MAP3K4: variants seen among roughly 807,000 people sequenced by gnomAD.
The protein encoded by MAP3K4 is MAP three kinase 1.
MAP3K4 carries 67 observed loss-of-function variants against 185.6 expected under a neutral mutation model. The observed-to-expected ratio is 0.36, with a 90% CI of 0.30 to 0.44. The LOEUF (loss-of-function observed/expected upper bound fraction) is 0.44, where lower values mean the gene tolerates loss of function less well. Ranked by LOEUF, MAP3K4 falls within the 20% of genes least tolerant of loss-of-function variation. MAP3K4 has a pLI of 1.00. For missense variants in MAP3K4, 1,551 were observed against 1,995.1 expected, an observed-to-expected ratio of 0.78 and a Z score of 4.24; for synonymous variants, 702 against 710.4, an observed-to-expected ratio of 0.99 and a Z score of 0.19.
rs1314398136 is a variant in MAP3K4 at position 161,054,308 on chromosome 6, C to T, written c.1707+4329C>T. ...TAGCTGGGATTACAGGCATGCGCCA[C>T]TATGCCTGGCTAATTTTTGTATTTT... On this transcript the variant is annotated intron_variant, in intron 3 of 26. Coordinates refer to ENST00000392142, the MANE Select transcript of MAP3K4 (RefSeq NM_005922.4). This position sits in a 1 kb window ranked among gnomAD's most constrained non-coding sequence, Gnocchi z 4.2. 1.3e-5 allele frequency among the ~76,000 whole-genome samples: 2 copies of T among 152,256 alleles called. No homozygotes were observed. Among genetic ancestry groups the T allele is most frequent in the African/African-American group, 4.8e-5 (2 of 41,542 alleles).
chr6:161,053,822 G>A lies in MAP3K4; in HGVS notation c.1707+3843G>A, dbSNP rs1375111944. Among the ~76,000 whole-genome samples the A allele has an allele frequency of 1.3e-5, 2 of 152,128 alleles. No homozygotes were observed. Among genetic ancestry groups the A allele is most frequent in the African/African-American group, 4.8e-5 (2 of 41,410 alleles). On this transcript the variant is annotated intron_variant, in intron 3 of 26. Transcript: ENST00000392142. This position sits in a 1 kb window ranked among gnomAD's most constrained non-coding sequence, Gnocchi z 4.2. ...TTGGCCAGGCTAGTCTTGAACTCCTGACCCCAAATGATCCACCTGCCTCCG... is the reference window on the plus strand; with the variant it reads ...TTGGCCAGGCTAGTCTTGAACTCCTAACCCCAAATGATCCACCTGCCTCCG...
At position 161,080,266 on chromosome 6, in the gene MAP3K4, C is replaced by T. The variant is rs1785384628; in HGVS notation, c.2098-615C>T. The stretch of plus-strand genomic sequence containing the variant: ...AGAAAAACTGCTTGATAGTTGAACC[C>T]TGCTGACCACGGGATAAATCTAAAG... On this transcript the variant is annotated intron_variant, in intron 5 of 26. Transcript: ENST00000392142. This position sits in a 1 kb window ranked among gnomAD's most constrained non-coding sequence, Gnocchi z 4.8. Among the ~76,000 whole-genome samples, 1 of 152,196 alleles carries T rather than the reference C, an allele frequency of 6.6e-6. No individual in the cohort carries two copies. The highest frequency in any genetic ancestry group is 2.1e-4 in the South Asian group (1 of 4,826).
In MAP3K4 at chr6:161,007,310, A is replaced by C. The variant is rs1781634944; in HGVS notation, c.152+15227A>C. Among the ~76,000 whole-genome samples the C allele has an allele frequency of 6.6e-6, 1 of 152,164 alleles. No homozygotes were observed. The highest frequency in any genetic ancestry group is 1.5e-5 in the Non-Finnish European group (1 of 68,024). The stretch of plus-strand genomic sequence containing the variant: ...GATATTGCAGTGGGGAAAAACATTC[A>C]CTATTGAGGAATGTCTTGAAGAGGA... On this transcript the variant is annotated intron_variant, in intron 1 of 26. Transcript: ENST00000392142. The surrounding 1 kb of genome is among the most constrained non-coding windows in gnomAD (Gnocchi z 4.5).
chr6:161,109,318 G>A lies in MAP3K4; in HGVS notation c.4237-437G>A, dbSNP rs1003069581. 3.3e-5 allele frequency among the ~76,000 whole-genome samples: 5 copies of A among 152,158 alleles called. No individual in the cohort carries two copies. The highest frequency in any genetic ancestry group is 1.2e-4 in the African/African-American group (5 of 41,412). On this transcript the variant is annotated intron_variant, in intron 22 of 26. Transcript: ENST00000392142. This position sits in a 1 kb window ranked among gnomAD's most constrained non-coding sequence, Gnocchi z 5.7. ...ACGTCGAGGGAAAGAGGATAACTTG[G>A]AGCATCGTGGTGTAGAGCATGAGCT... is the stretch of plus-strand genomic sequence containing the variant.
At chr6:161,041,255 A>G (rs1783436368) in intron 2 of MAP3K4, among the ~76,000 whole-genome samples, 1 of 152,186 alleles carries the variant, frequency 6.6e-6, no homozygotes, top group Admixed American at 6.5e-5. Flanking sequence ...CTATCGGCAA[A>G]TCCATGAATG....
In MAP3K4 at chr6:161,063,801, G is replaced by A. The variant is rs910587462; in HGVS notation, c.1708-6807G>A. 6.6e-6 allele frequency among the ~76,000 whole-genome samples: 1 copy of A among 152,146 alleles called. No homozygotes were observed. Among genetic ancestry groups the A allele is most frequent in the African/African-American group, 2.4e-5 (1 of 41,406 alleles). ...CCTAATTTCACAGAAGTTCTCTGTAGACTCTGTGAGCTTTTCATAGAGCAC... is the reference window on the plus strand; with the variant it reads ...CCTAATTTCACAGAAGTTCTCTGTAAACTCTGTGAGCTTTTCATAGAGCAC... On this transcript the variant is annotated intron_variant, in intron 3 of 26. Transcript: ENST00000392142. The surrounding 1 kb of genome is among the most constrained non-coding windows in gnomAD (Gnocchi z 5.4).
In MAP3K4 at chr6:161,107,646, A is replaced by C. The variant is rs1778145043; in HGVS notation, c.4049-253A>C. Among the ~76,000 whole-genome samples, 2 of 152,148 alleles carry C rather than the reference A, an allele frequency of 1.3e-5. No individual in the cohort carries two copies. The highest frequency in any genetic ancestry group is 4.1e-4 in the South Asian group (2 of 4,820). On this transcript the variant is annotated intron_variant, in intron 20 of 26. Coordinates refer to ENST00000392142, the MANE Select transcript of MAP3K4 (RefSeq NM_005922.4). This position sits in a 1 kb window ranked among gnomAD's most constrained non-coding sequence, Gnocchi z 6.2. ...TTGGTCATTTTCATGCTTCTCCTGG[A>C]ATTTACCAAAGTCGGTTCTGCTCTA...
At chr6:161,102,817 A>AC (rs1777894856) in intron 19 of MAP3K4, 38 bp downstream of exon 19, 2 of 1,406,648 alleles carry the variant, frequency 1.4e-6, no homozygotes, top group East Asian at 2.4e-5. Flanking sequence ...AAAAAAAAAA[A>AC]AAAAAAACAC....
chr6:161,024,271 T>C (rs1193185952), intron 1 of MAP3K4, among the ~76,000 whole-genome samples: 1 of 152,162 alleles, frequency 6.6e-6, no homozygotes, highest in African/African-American at 2.4e-5. Context: ...ACCCAGCCCC[T>C]AGAGTAGTTT....
rs1055448353 is a variant in MAP3K4, at chr6:161,091,026, T to G, written c.2974-353T>G. ...ACGATCGGAGGAGGTCATCTAGAAG[T>G]ACATGGACTTTTTCACTCTGTGGAA... On this transcript the variant is annotated intron_variant, in intron 11 of 26. Coordinates refer to ENST00000392142, the MANE Select transcript of MAP3K4 (RefSeq NM_005922.4). This position sits in a 1 kb window ranked among gnomAD's most constrained non-coding sequence, Gnocchi z 5.5. 2.6e-4 allele frequency among the ~76,000 whole-genome samples: 40 copies of G among 152,150 alleles called. No homozygotes were observed. The highest frequency in any genetic ancestry group is 9.2e-4 in the African/African-American group (38 of 41,428).
Position 161,101,608 on chromosome 6 carries a change from C to A in MAP3K4, c.3675-284C>A. Reference sequence around the variant, plus strand: ...TATGGAGAGATGAAAATGGAGCCCTCCTTCCAGACTCTAGAGCTCTAACAG... The same window carrying A: ...TATGGAGAGATGAAAATGGAGCCCTACTTCCAGACTCTAGAGCTCTAACAG... On this transcript the variant is annotated intron_variant, in intron 17 of 26. Transcript: ENST00000392142. This position sits in a 1 kb window ranked among gnomAD's most constrained non-coding sequence, Gnocchi z 5.1. 4.2e-6 allele frequency: 1 copy of A among 238,254 alleles called. No homozygotes were observed. The highest frequency in any genetic ancestry group is 8.1e-6 in the Non-Finnish European group (1 of 124,000). 14.8% of individuals were successfully genotyped at this position (238,254 alleles called of 1,614,324 possible).
chr6:161,106,734 G>T lies in MAP3K4; in HGVS notation c.4048+29G>T. 1 of 1,563,192 alleles carries T rather than the reference G, an allele frequency of 6.4e-7. No homozygotes were observed. The highest frequency in any genetic ancestry group is 8.7e-7 in the Non-Finnish European group (1 of 1,145,520). ...AGGAAATTAAGGAGCATGATGTCAA[G>T]ATAGTCCCTGTTAGAAGTAGCAATA... On this transcript the variant is annotated intron_variant, in intron 20 of 26. Transcript: ENST00000392142. This position sits in a 1 kb window ranked among gnomAD's most constrained non-coding sequence, Gnocchi z 4.9.
At chr6:161,032,782 T>C (rs1442302464) in intron 1 of MAP3K4, among the ~76,000 whole-genome samples, 1 of 152,220 alleles carries the variant, frequency 6.6e-6, no homozygotes, top group Non-Finnish European at 1.5e-5. Context: ...TTAAATAATG[T>C]AGTTTAAGGA....
At position 161,037,322 on chromosome 6, in the gene MAP3K4, T is replaced by C. The variant is rs910932279; in HGVS notation, c.343+2873T>C. ...CTATCTTCTGCGTATGCAGCCTCCA[T>C]ATCTCGTTTCTCTATCTGTAAAATC... On this transcript the variant is annotated intron_variant, in intron 2 of 26. Coordinates refer to ENST00000392142, the MANE Select transcript of MAP3K4 (RefSeq NM_005922.4). The surrounding 1 kb of genome is among the most constrained non-coding windows in gnomAD (Gnocchi z 4.2). 1.3e-5 allele frequency among the ~76,000 whole-genome samples: 2 copies of C among 152,216 alleles called. No homozygotes were observed. Among genetic ancestry groups the C allele is most frequent in the South Asian group, 4.1e-4 (2 of 4,830 alleles).
At chr6:161,033,358 A>G (rs1783016153) in intron 1 of MAP3K4, among the ~76,000 whole-genome samples, 1 of 152,186 alleles carries the variant, frequency 6.6e-6, no homozygotes, top group South Asian at 2.1e-4. Flanking sequence ...CTCAATTTGT[A>G]TCATTAAATT....
chr6:161,106,783 C>A lies in MAP3K4; in HGVS notation c.4048+78C>A. On this transcript the variant is annotated intron_variant, in intron 20 of 26. Transcript: ENST00000392142. This position sits in a 1 kb window ranked among gnomAD's most constrained non-coding sequence, Gnocchi z 4.9. ...TAGTTATACTTCTTTAGGTTGAATC[C>A]TATAGAGTTGGCCCTTTTTTCTTGT... 2 of 1,211,876 alleles carry A rather than the reference C, an allele frequency of 1.7e-6. No individual in the cohort carries two copies. The highest frequency in any genetic ancestry group is 2.4e-5 in the East Asian group (1 of 41,134). 75.1% of individuals were successfully genotyped at this position (1,211,876 alleles called of 1,614,324 possible).
At chr6:160,994,241 T>C (rs751822045) in intron 1 of MAP3K4, among the ~76,000 whole-genome samples, 19 of 152,140 alleles carry the variant, frequency 1.2e-4, no homozygotes, top group Non-Finnish European at 2.5e-4. Flanking sequence ...GGTGCACCTG[T>C]CACCCAAGCA....
chr6:161,115,322 A>G lies in MAP3K4; in HGVS notation c.4806+20A>G. 1 of 1,584,900 alleles carries G rather than the reference A, an allele frequency of 6.3e-7. No individual in the cohort carries two copies. Among genetic ancestry groups the G allele is most frequent in the South Asian group, 1.1e-5 (1 of 87,786 alleles). ...GTCAAGGTTTGGCAGATTACTGGAT[A>G]GTCTTTTTCATGTTTAAGTGTTTAA... On this transcript the variant is annotated intron_variant, in intron 26 of 26. Coordinates refer to ENST00000392142, the MANE Select transcript of MAP3K4 (RefSeq NM_005922.4). This position sits in a 1 kb window ranked among gnomAD's most constrained non-coding sequence, Gnocchi z 6.0.
Position 161,102,450 on chromosome 6 carries a change from A to G in MAP3K4, c.3776-249A>G, listed in dbSNP as rs138688815. On this transcript the variant is annotated intron_variant, in intron 18 of 26. Coordinates refer to ENST00000392142, the MANE Select transcript of MAP3K4 (RefSeq NM_005922.4). ...CTAAGGAATCCACTTTTTGCACAGTATTCTGTTGTCTGTTACTCGTGAAAA... is the reference window on the plus strand; with the variant it reads ...CTAAGGAATCCACTTTTTGCACAGTGTTCTGTTGTCTGTTACTCGTGAAAA... Among the ~76,000 whole-genome samples, 731 of 152,254 alleles carry G rather than the reference A, an allele frequency of 4.8e-3. 10 individuals carry two copies. Among genetic ancestry groups the G allele is most frequent in the African/African-American group, 0.017 (698 of 41,560 alleles).
Sources: allele counts gnomAD v4.1 joint callset (sites outside exome capture counted in the v4.1 genomes callset), GRCh38; gene constraint gnomAD v4.1.1; non-coding constraint Gnocchi (gnomAD v3.1); transcripts MANE v1.5; gene names NCBI Gene and HGNC (gene_info 2026-07-23, HGNC 2026-07-21).